The following PTPRG variants were observed in gnomAD, a reference collection of about 807,000 sequenced individuals.
The protein encoded by PTPRG is receptor-type tyrosine-protein phosphatase gamma.
PTPRG carries 102 observed loss-of-function variants against 165.3 expected under a neutral mutation model. The ratio of observed to expected loss-of-function variants is 0.62; its 90% CI spans 0.53 to 0.73. The LOEUF (loss-of-function observed/expected upper bound fraction) is 0.73. Among genes scored for constraint, PTPRG ranks in the 30% least tolerant of loss-of-function variants. The probability of loss-of-function intolerance (pLI) is 0.00; values close to 1 mark genes in which losing one functional copy is unlikely to be tolerated. For missense variants in PTPRG, 1,866 were observed against 1,861.4 expected, an observed-to-expected ratio of 1.00 and a Z score of -0.05; for synonymous variants, 675 against 669.5, an observed-to-expected ratio of 1.01 and a Z score of -0.13.
intron 2 of PTPRG, among the ~76,000 whole-genome samples, chr3:61,793,998 G>A (rs1000222806): frequency 7.9e-5 from 12 of 152,206 alleles, no homozygotes; most frequent in African/African-American, 2.7e-4. Flanking sequence ...TTTTGCTGTA[G>A]AGGAAGTGAC....
chr3:61,708,338 C>T (rs2031366704), intron 1 of PTPRG, among the ~76,000 whole-genome samples: 2 of 151,434 alleles, frequency 1.3e-5, no homozygotes, highest in South Asian at 4.2e-4. Flanking sequence ...AGGAGTGTCT[C>T]AGGAGCATGA....
chr3:62,131,618 T>C (rs1469235395), intron 5 of PTPRG, among the ~76,000 whole-genome samples: 1 of 152,188 alleles, frequency 6.6e-6, no homozygotes, highest in Non-Finnish European at 1.5e-5. Context: ...CAATGGGGGA[T>C]GGGGGAAGCA....
At chr3:61,654,449 G>A (rs1242360033) in intron 1 of PTPRG, among the ~76,000 whole-genome samples, 2 of 151,386 alleles carry the variant, frequency 1.3e-5, no homozygotes, top group African/African-American at 2.4e-5. Flanking sequence ...CAGTGGTGCA[G>A]TCTCAGCTGA....
intron 2 of PTPRG, among the ~76,000 whole-genome samples, chr3:61,909,259 G>C (rs1028899184): frequency 6.6e-6 from 1 of 152,162 alleles, no homozygotes; most frequent in Non-Finnish European, 1.5e-5. Context: ...GCGTTTCTTC[G>C]ATGATAAAGG....
chr3:61,974,961 C>T (rs2040468268), intron 2 of PTPRG, among the ~76,000 whole-genome samples: 2 of 152,180 alleles, frequency 1.3e-5, no homozygotes, highest in East Asian at 1.9e-4. Context: ...TTAAATAGTG[C>T]TATAGCAAGA....
intron 1 of PTPRG, among the ~76,000 whole-genome samples, chr3:61,714,290 G>A (rs563647404): frequency 2.0e-5 from 3 of 152,186 alleles, no homozygotes; most frequent in African/African-American, 7.2e-5. Flanking sequence ...TGGGCCCATA[G>A]CTGCGAGGAA....
chr3:62,040,557 G>A (rs919859467), intron 4 of PTPRG, among the ~76,000 whole-genome samples: 4 of 152,168 alleles, frequency 2.6e-5, no homozygotes, highest in South Asian at 2.1e-4. Flanking sequence ...GGGTTCAAGC[G>A]ATTCTCCTGC....
rs543666063 is a variant in PTPRG, at chr3:61,922,630, C to A, written c.191-66995C>A. On this transcript the variant is annotated intron_variant, in intron 2 of 29. Coordinates refer to ENST00000474889, the MANE Select transcript of PTPRG (RefSeq NM_002841.4). ...CCCTCAGCTGTCATATAACTTGCTC[C>A]TTAGCTCAGTTCAGGTCTTTTATCT... Among the ~76,000 whole-genome samples, 224 of 152,312 alleles carry A rather than the reference C, an allele frequency of 1.5e-3. 1 individual carries two copies. Among genetic ancestry groups the A allele is most frequent in the African/African-American group, 5.2e-3 (216 of 41,558 alleles).
intron 2 of PTPRG, among the ~76,000 whole-genome samples, chr3:61,980,841 T>C (rs1025193313): frequency 3.3e-5 from 5 of 152,202 alleles, no homozygotes; most frequent in Admixed American, 2.6e-4. Flanking sequence ...GCTTCCCTCC[T>C]GATTGCAGGT....
rs370403606 is a variant in PTPRG, at chr3:61,928,034, T to C, written c.191-61591T>C. Reference sequence around the variant, plus strand: ...CTAGCTGAATCTGAATGAGAGTTTTTTGTAAAGTTGTGGTAGAAGATAAAT... The same window carrying C: ...CTAGCTGAATCTGAATGAGAGTTTTCTGTAAAGTTGTGGTAGAAGATAAAT... On this transcript the variant is annotated intron_variant, in intron 2 of 29. Transcript: ENST00000474889. 1.1e-4 allele frequency among the ~76,000 whole-genome samples: 16 copies of C among 152,250 alleles called. No individual in the cohort carries two copies. The East Asian group carries it at 3.1e-3, about 29-fold the overall frequency.
chr3:62,172,251 T>C (rs147214956), intron 8 of PTPRG, among the ~76,000 whole-genome samples: 2 of 152,330 alleles, frequency 1.3e-5, no homozygotes, highest in African/African-American at 2.4e-5. Context: ...TTCAAGTCTT[T>C]TAGATGTAAA....
At chr3:61,887,143 TATATATATATATATATATATATATA>T (rs2038066082) in intron 2 of PTPRG, among the ~76,000 whole-genome samples, 1 of 55,714 alleles carries the variant, frequency 1.8e-5, no homozygotes, top group East Asian at 4.4e-4. Flanking sequence ...TATATATATA[TATATATATATATATATATATATATA>T]TATTTTTAAT....
At chr3:61,618,996 AAAAGTT>A (rs1701378717) in intron 1 of PTPRG, among the ~76,000 whole-genome samples, 1 of 140,280 alleles carries the variant, frequency 7.1e-6, no homozygotes, top group African/African-American at 2.9e-5. Flanking sequence ...AAAAAAAAAA[AAAAGTT>A]AAAAACTACC....
At chr3:62,262,204 A>G (rs1449173890) in intron 16 of PTPRG, 1 of 152,202 alleles carries the variant, frequency 6.6e-6, no homozygotes, top group Non-Finnish European at 1.5e-5. Context: ...GTTCACAAAT[A>G]ATTTGTCAAG....
At chr3:62,134,591 A>G (rs1369035367) in intron 6 of PTPRG, among the ~76,000 whole-genome samples, 1 of 152,172 alleles carries the variant, frequency 6.6e-6, no homozygotes, top group Non-Finnish European at 1.5e-5. Flanking sequence ...ATCCTATCAA[A>G]TTATTCATCC....
intron 5 of PTPRG, among the ~76,000 whole-genome samples, chr3:62,081,561 T>A: frequency 6.6e-6 from 1 of 152,250 alleles, no homozygotes; most frequent in East Asian, 1.9e-4. Context: ...CCCAGCCTAG[T>A]CTGGAACTCC....
chr3:62,024,563 C>G (rs957891849), intron 4 of PTPRG, among the ~76,000 whole-genome samples: 3 of 151,976 alleles, frequency 2.0e-5, no homozygotes, highest in Admixed American at 6.6e-5. Context: ...GGAAGTAAGT[C>G]AAGTCAGAGT....
chr3:62,125,731 A>C (rs1273210235), intron 5 of PTPRG, among the ~76,000 whole-genome samples: 2 of 151,122 alleles, frequency 1.3e-5, no homozygotes, highest in Admixed American at 1.3e-4. Context: ...TCTGTGTGAA[A>C]CAGTTTGCAA....
intron 13 of PTPRG, 74 bp from the exon 14 acceptor site, chr3:62,231,151 T>C: frequency 8.5e-7 from 1 of 1,173,248 alleles, no homozygotes; most frequent in East Asian, 2.8e-5. Context: ...GGAGGGCATT[T>C]GTATGCAACT....
Sources: allele counts gnomAD v4.1 joint callset (sites outside exome capture counted in the v4.1 genomes callset), GRCh38; gene constraint gnomAD v4.1.1; transcripts MANE v1.5; gene names NCBI Gene and HGNC (gene_info 2026-07-23, HGNC 2026-07-21).